Variants in GABRA5 observed in about 807,000 individuals in gnomAD.
The protein encoded by GABRA5 is gamma-aminobutyric acid receptor subunit alpha-5.
In GABRA5, 18 loss-of-function variants were observed where a neutral mutation model predicts 47.3. The ratio of observed to expected loss-of-function variants is 0.38; its 90% confidence interval spans 0.26 to 0.56. The LOEUF (loss-of-function observed/expected upper bound fraction) is 0.56, where lower values mean the gene tolerates loss of function less well. Ranked by LOEUF, GABRA5 falls within the 20% of genes least tolerant of loss-of-function variation. The pLI is 0.71. For missense variants in GABRA5, 365 were observed against 599.3 expected (o/e 0.61, Z 4.08); for synonymous variants, 237 against 229.3 (o/e 1.03, Z -0.30).
At chr15:26,937,051 AT>A (rs1467082872) in intron 7 of GABRA5, 133 bp from the exon 8 acceptor site, 1 of 1,088,526 alleles carries the variant, frequency 9.2e-7, no homozygotes. Flanking sequence ...CACCCTATGC[AT>A]TTTTTAGGTC....
intron 7 of GABRA5, 68 bp downstream of exon 7, chr15:26,914,953 A>G: frequency 7.8e-7 from 1 of 1,280,414 alleles, no homozygotes; most frequent in Non-Finnish European, 1.1e-6. Context: ...TTTATTCAGA[A>G]GAATTTAGGT....
At chr15:26,881,266 T>A (rs894669064) in intron 4 of GABRA5, among the ~76,000 whole-genome samples, 1 of 152,208 alleles carries the variant, frequency 6.6e-6, no homozygotes, top group Admixed American at 6.5e-5. Flanking sequence ...AATCTTAATG[T>A]CTAGTCTGGT....
rs1342401251 is a variant in GABRA5, at chr15:26,883,369, C to T, written c.309C>T (p.Ser103=). 1.2e-6 allele frequency: 2 copies of T among 1,614,026 alleles called. No individual in the cohort carries two copies. The highest frequency in any genetic ancestry group is 2.7e-5 in the African/African-American group (2 of 75,054). ...EYTIDVFFRQ[S]WKDERLRFKG... is the part of the protein sequence containing the mutation. ...CCATAGACGTGTTTTTCCGACAAAG[C>T]TGGAAAGATGAAAGGCTTCGGTTTA... The change falls in exon 6 of 11, where the codon AGC becomes AGT. Residue 103 remains serine (S), a synonymous_variant. Transcript: ENST00000335625. This position sits in a 1 kb window ranked among gnomAD's most constrained non-coding sequence, Gnocchi z 4.8.
intron 6 of GABRA5, among the ~76,000 whole-genome samples, chr15:26,912,444 A>T (rs1312112763): frequency 1.3e-5 from 2 of 152,206 alleles, no homozygotes; most frequent in African/African-American, 2.4e-5. Context: ...GTGACTTTTT[A>T]AAAAGTTCTA....
At chr15:26,918,893 C>T (rs1893777090) in intron 7 of GABRA5, among the ~76,000 whole-genome samples, 4 of 152,072 alleles carry the variant, frequency 2.6e-5, no homozygotes, top group Admixed American at 2.6e-4. Context: ...AATCCCAGTA[C>T]TTTGGGAGGC....
At chr15:26,935,853 C>T (rs1566885953) in intron 7 of GABRA5, among the ~76,000 whole-genome samples, 1 of 152,196 alleles carries the variant, frequency 6.6e-6, no homozygotes. Flanking sequence ...TCCTCATCGG[C>T]TGATGAGGGC....
chr15:26,896,842 C>A (rs769080470), intron 6 of GABRA5, among the ~76,000 whole-genome samples: 1 of 152,112 alleles, frequency 6.6e-6, no homozygotes, highest in African/African-American at 2.4e-5. Flanking sequence ...GTATCTATAT[C>A]ACTGCTCCAT....
chr15:26,914,776 C>A, intron 6 of GABRA5, 27 bp from the exon 7 acceptor site: 1 of 1,584,810 alleles, frequency 6.3e-7, no homozygotes, highest in South Asian at 1.1e-5. Flanking sequence ...GAGAGTCGTT[C>A]AAAGGTCTTC....
chr15:26,917,884 T>C lies in GABRA5; in HGVS notation c.580+2999T>C, dbSNP rs547334307. Among the ~76,000 whole-genome samples the C allele has an allele frequency of 1.1e-4, 16 of 152,204 alleles. No homozygotes were observed. The South Asian group carries it at 3.3e-3, about 32-fold the overall frequency. ...TTGTTGTCTTTTACAAGTCTTTTTATTTCTGTGGCATCAGTTGCAATGTCT... is the reference window on the plus strand; with the variant it reads ...TTGTTGTCTTTTACAAGTCTTTTTACTTCTGTGGCATCAGTTGCAATGTCT... On this transcript the variant is annotated intron_variant, in intron 7 of 10. Coordinates refer to ENST00000335625, the MANE Select transcript of GABRA5 (RefSeq NM_000810.4).
At chr15:26,917,520 C>T (rs1019771478) in intron 7 of GABRA5, among the ~76,000 whole-genome samples, 1 of 151,958 alleles carries the variant, frequency 6.6e-6, no homozygotes, top group Non-Finnish European at 1.5e-5. Flanking sequence ...ACATTGGCCT[C>T]TTGTTTTCTT....
At position 26,948,355 on chromosome 15, in the gene GABRA5, AAT is replaced by A; in HGVS notation, c.*124_*125del. On this transcript the variant is annotated 3_prime_UTR_variant, in exon 11 of 11. Coordinates refer to ENST00000335625, the MANE Select transcript of GABRA5 (RefSeq NM_000810.4). The stretch of plus-strand genomic sequence containing the variant: ...TCTTTCAGGAAATTTTTGCATGTTT[AAT>A]AATATGTACAAATAATATTGCCTTG... 1.2e-6 allele frequency: 1 copy of A among 828,794 alleles called. No individual in the cohort carries two copies. The highest frequency in any genetic ancestry group is 1.9e-6 in the Non-Finnish European group (1 of 533,214). The allele number at this position is 828,794 out of a possible 1,614,324, so 51.3% of individuals were successfully genotyped here.
At chr15:26,897,483 G>A (rs1468604993) in intron 6 of GABRA5, among the ~76,000 whole-genome samples, 3 of 152,120 alleles carry the variant, frequency 2.0e-5, no homozygotes, top group African/African-American at 4.8e-5. Flanking sequence ...CATGTCTGTA[G>A]TTTAAGCCAC....
At chr15:26,930,895 CTTTTTTTTTT>C (rs555799476) in intron 7 of GABRA5, among the ~76,000 whole-genome samples, 4 of 115,036 alleles carry the variant, frequency 3.5e-5, no homozygotes. Context: ...TCTTTCTTTT[CTTTTTTTTTT>C]TTTTTTTTGA....
chr15:26,945,560 C>T (rs1347288215), intron 10 of GABRA5, among the ~76,000 whole-genome samples: 2 of 152,182 alleles, frequency 1.3e-5, no homozygotes, highest in Non-Finnish European at 1.5e-5. Context: ...AGTGGAGTTG[C>T]CTCATGTCAG....
At chr15:26,895,939 C>A (rs577503281) in intron 6 of GABRA5, among the ~76,000 whole-genome samples, 2 of 152,090 alleles carry the variant, frequency 1.3e-5, no homozygotes, top group South Asian at 4.2e-4. Flanking sequence ...ACAGAGTCTC[C>A]CCGAGAGCTG....
chr15:26,896,687 A>G (rs1418233099), intron 6 of GABRA5, among the ~76,000 whole-genome samples: 1 of 152,144 alleles, frequency 6.6e-6, no homozygotes, highest in African/African-American at 2.4e-5. Context: ...GTGTGATTAT[A>G]CACACTGGCC....
intron 8 of GABRA5, among the ~76,000 whole-genome samples, chr15:26,938,818 A>G (rs1894311502): frequency 6.6e-6 from 1 of 152,222 alleles, no homozygotes; most frequent in African/African-American, 2.4e-5. Context: ...TGTGATTGCT[A>G]TGGTTCCTTC....
At chr15:26,912,024 A>G (rs1893607305) in intron 6 of GABRA5, among the ~76,000 whole-genome samples, 1 of 152,188 alleles carries the variant, frequency 6.6e-6, no homozygotes, top group Non-Finnish European at 1.5e-5. Context: ...CAGCTGGGCT[A>G]AGACAGTCAG....
At chr15:26,884,280 C>T (rs1446575500) in intron 6 of GABRA5, among the ~76,000 whole-genome samples, 1 of 152,046 alleles carries the variant, frequency 6.6e-6, no homozygotes, top group Non-Finnish European at 1.5e-5. Flanking sequence ...TTCTCACATG[C>T]TTGGATAACA....
Sources: gnomAD v4.1 joint callset for allele counts (sites outside exome capture counted in the v4.1 genomes callset) on GRCh38, gnomAD v4.1.1 for gene constraint, Gnocchi (gnomAD v3.1) non-coding constraint, MANE v1.5 for transcripts, NCBI Gene and HGNC (gene_info 2026-07-23, HGNC 2026-07-21) for gene names.